KLHL42: variants seen among roughly 807,000 people sequenced by gnomAD.
KLHL42 encodes kelch like family member 42.
A neutral mutation model predicts 32.7 loss-of-function variants in KLHL42; 27 were observed. That is an observed-to-expected ratio of 0.83 (90% CI 0.61 to 1.14). The LOEUF is 1.14. Ranked by LOEUF, KLHL42 falls within the 50% of genes most tolerant of loss-of-function variation. The probability of loss-of-function intolerance (pLI) is 0.00; values close to 1 mark genes in which losing one functional copy is unlikely to be tolerated. For synonymous variants in KLHL42, 267 were observed against 248.2 expected, an observed-to-expected ratio of 1.08 and a Z score of -0.71; for missense variants, 491 against 560.8, an observed-to-expected ratio of 0.88 and a Z score of 1.26.
rs2062242796 is a variant in KLHL42, at chr12:27,800,652, G to C, written c.*2486G>C. 6.6e-6 allele frequency: 1 copy of C among 152,096 alleles called. No homozygotes were observed. The highest frequency in any genetic ancestry group is 6.6e-5 in the Admixed American group (1 of 15,210). 9.4% of individuals were successfully genotyped at this position (152,096 alleles called of 1,614,324 possible). A position where few individuals can be genotyped will look rare whatever the true frequency, so the allele number is the denominator to read the frequency against. ...TCTCCCTTCAGGCGGAGGTTGCAGT[G>C]AGCCGAGATTGTGCCATTGCACTCC... On this transcript the variant is annotated 3_prime_UTR_variant, in exon 3 of 3. Coordinates refer to ENST00000381271, the MANE Select transcript of KLHL42 (RefSeq NM_020782.2).
rs2062229492 is a variant in KLHL42, at chr12:27,798,401, A to G, written c.*235A>G. The G allele has an allele frequency of 4.2e-6, 2 of 476,266 alleles. No individual in the cohort carries two copies. The highest frequency in any genetic ancestry group is 3.7e-6 in the Non-Finnish European group (1 of 267,622). The allele number at this position is 476,266 out of a possible 1,614,324, so 29.5% of individuals were successfully genotyped here. On this transcript the variant is annotated 3_prime_UTR_variant, in exon 3 of 3. Transcript: ENST00000381271. ...ATTTTTAAATTATGGGAGCAAATCCATCTCCAAACATGATACTCTTGGGCC... is the reference window on the plus strand; with the variant it reads ...ATTTTTAAATTATGGGAGCAAATCCGTCTCCAAACATGATACTCTTGGGCC...
intron 2 of KLHL42, among the ~76,000 whole-genome samples, chr12:27,792,950 T>C (rs948233648): frequency 6.6e-6 from 1 of 152,210 alleles, no homozygotes; most frequent in African/African-American, 2.4e-5. Flanking sequence ...AAGGTCTCCC[T>C]GTGTTGCCTA....
Position 27,800,439 on chromosome 12 carries a change from C to G in KLHL42, c.*2273C>G. ...AAAGATTTTGGTTATTCTGGGCTGC[C>G]AGCAGTACGTGGGAAAGGTGGAATG... On this transcript the variant is annotated 3_prime_UTR_variant, in exon 3 of 3. Coordinates refer to ENST00000381271, the MANE Select transcript of KLHL42 (RefSeq NM_020782.2). 1 of 919,260 alleles carries G rather than the reference C, an allele frequency of 1.1e-6. No individual in the cohort carries two copies. The highest frequency in any genetic ancestry group is 5.0e-5 in the South Asian group (1 of 19,868). The allele number at this position is 919,260 out of a possible 1,614,324, so 56.9% of individuals were successfully genotyped here.
chr12:27,798,427 A>G lies in KLHL42; in HGVS notation c.*261A>G, dbSNP rs1421606463. On this transcript the variant is annotated 3_prime_UTR_variant, in exon 3 of 3. Coordinates refer to ENST00000381271, the MANE Select transcript of KLHL42 (RefSeq NM_020782.2). ...TCTCCAAACATGATACTCTTGGGCC[A>G]ATGACGGATCATCAAAATGTAGATT... 9.7e-6 allele frequency: 4 copies of G among 410,646 alleles called. No homozygotes were observed. Among genetic ancestry groups the G allele is most frequent in the Non-Finnish European group, 1.3e-5 (3 of 227,984 alleles). The allele number at this position is 410,646 out of a possible 1,614,324, so 25.4% of individuals were successfully genotyped here.
intron 1 of KLHL42, among the ~76,000 whole-genome samples, chr12:27,786,448 T>C (rs1433893990): frequency 6.6e-6 from 1 of 152,180 alleles, no homozygotes. Context: ...AAATGAAACC[T>C]AGCACAGAGT....
At chr12:27,782,728 T>C (rs2062154330) in intron 1 of KLHL42, among the ~76,000 whole-genome samples, 1 of 151,746 alleles carries the variant, frequency 6.6e-6, no homozygotes, top group African/African-American at 2.4e-5. Flanking sequence ...CTTGGTAGTC[T>C]TTGTCTTTTT....
At chr12:27,785,360 T>G (rs574343785) in intron 1 of KLHL42, among the ~76,000 whole-genome samples, 30 of 152,074 alleles carry the variant, frequency 2.0e-4, no homozygotes, top group Non-Finnish European at 3.8e-4. Flanking sequence ...ACACCATGCT[T>G]GGTTAATTTT....
chr12:27,785,337 C>A (rs561048575), intron 1 of KLHL42, among the ~76,000 whole-genome samples: 1 of 152,166 alleles, frequency 6.6e-6, no homozygotes, highest in African/African-American at 2.4e-5. Context: ...GTAGCTGGGA[C>A]TACAGGCATG....
At chr12:27,796,844 C>T (rs1400672715) in intron 2 of KLHL42, among the ~76,000 whole-genome samples, 1 of 151,980 alleles carries the variant, frequency 6.6e-6, no homozygotes, top group Non-Finnish European at 1.5e-5. Flanking sequence ...ACCATATTGC[C>T]CAGGCTGGTC....
chr12:27,792,941 A>G (rs2062203680), intron 2 of KLHL42, among the ~76,000 whole-genome samples: 1 of 152,156 alleles, frequency 6.6e-6, no homozygotes, highest in South Asian at 2.1e-4. Context: ...TGTGGAGACA[A>G]GGTCTCCCTG....
chr12:27,790,901 A>T (rs2062193429), intron 1 of KLHL42, among the ~76,000 whole-genome samples: 1 of 152,150 alleles, frequency 6.6e-6, no homozygotes, highest in Non-Finnish European at 1.5e-5. Flanking sequence ...TTTATAAAAA[A>T]TTAGCTGAGT....
intron 2 of KLHL42, among the ~76,000 whole-genome samples, chr12:27,792,298 C>G (rs1433346948): frequency 6.6e-6 from 1 of 152,116 alleles, no homozygotes; most frequent in Non-Finnish European, 1.5e-5. Flanking sequence ...CCCAAACATA[C>G]ACCAAACCTG....
rs773820049 is a variant in KLHL42, at chr12:27,781,044, C to T, written c.714C>T (p.Pro238=). The T allele has an allele frequency of 2.5e-6, 4 of 1,613,726 alleles. No individual in the cohort carries two copies. The highest frequency in any genetic ancestry group is 1.7e-5 in the Admixed American group (1 of 59,966). ...TCCCGCTGGCCAACAACCTTCCTCC[C>T]GACCTGGTCAATGTCAGGGGCTATG... The part of the protein sequence containing the change: ...RWFPLANNLP[P]DLVNVRGYGS... Residue 238 remains proline, a synonymous_variant, in exon 1 of 3, where the codon CCC becomes CCT. Transcript: ENST00000381271.
At chr12:27,791,683 G>A (rs1471336144) in intron 1 of KLHL42, 25 bp from the exon 2 acceptor site, 1 of 1,585,626 alleles carries the variant, frequency 6.3e-7, no homozygotes. Context: ...AACTAACTCT[G>A]TGGGCCTTTG....
chr12:27,798,123 T>G lies in KLHL42; in HGVS notation c.1475T>G (p.Leu492Trp). The G allele has an allele frequency of 1.3e-6, 1 of 780,882 alleles. No homozygotes were observed. Among genetic ancestry groups the G allele is most frequent in the East Asian group, 2.4e-5 (1 of 41,256 alleles). The allele number at this position is 780,882 out of a possible 1,614,324, so 48.4% of individuals were successfully genotyped here. The change falls in exon 3 of 3, where the codon TTG becomes TGG. Residue 492 changes from leucine to tryptophan, a missense_variant. Transcript: ENST00000381271. Reference protein sequence around the residue: ...FRRFPAFGHNLLVSSLYLPNK... With the variant: ...FRRFPAFGHNWLVSSLYLPNK... Reference sequence around the variant, plus strand: ...CGTTTTCCAGCTTTTGGACATAACTTGCTGGTTTCTTCTCTTTATCTGCCC... The same window carrying G: ...CGTTTTCCAGCTTTTGGACATAACTGGCTGGTTTCTTCTCTTTATCTGCCC...
chr12:27,781,260 A>G, intron 1 of KLHL42, 58 bp downstream of exon 1: 1 of 1,568,820 alleles, frequency 6.4e-7, no homozygotes, highest in Non-Finnish European at 8.7e-7. Context: ...TCATTAGTTC[A>G]TTACCCCAGT....
intron 1 of KLHL42, among the ~76,000 whole-genome samples, chr12:27,789,857 G>A (rs1181851379): frequency 6.6e-6 from 1 of 152,116 alleles, no homozygotes; most frequent in Non-Finnish European, 1.5e-5. Context: ...ACAAGACGAG[G>A]CTCTTGATGA....
chr12:27,791,587 C>A (rs1209730754), intron 1 of KLHL42, 121 bp from the exon 2 acceptor site: 10 of 832,804 alleles, frequency 1.2e-5, no homozygotes, highest in Non-Finnish European at 1.8e-5. Flanking sequence ...GGCGGAATGG[C>A]CCCCAACTGG....
Position 27,799,865 on chromosome 12 carries a change from A to G in KLHL42, c.*1699A>G, listed in dbSNP as rs1382746230. ...ATAATCTTACCTCTAGTCTACTTACAACTTTGTAAGGGTTTCTAAGCTATG... is the reference window on the plus strand; with the variant it reads ...ATAATCTTACCTCTAGTCTACTTACGACTTTGTAAGGGTTTCTAAGCTATG... On this transcript the variant is annotated 3_prime_UTR_variant, in exon 3 of 3. Coordinates refer to ENST00000381271, the MANE Select transcript of KLHL42 (RefSeq NM_020782.2). 11 of 479,364 alleles carry G rather than the reference A, an allele frequency of 2.3e-5. No individual in the cohort carries two copies. Among genetic ancestry groups the G allele is most frequent in the Non-Finnish European group, 3.0e-5 (11 of 367,422 alleles). 29.7% of individuals were successfully genotyped at this position (479,364 alleles called of 1,614,324 possible). A position where few individuals can be genotyped will look rare whatever the true frequency, so the allele number is the denominator to read the frequency against.
Sources: allele counts gnomAD v4.1 joint callset (sites outside exome capture counted in the v4.1 genomes callset), GRCh38; gene constraint gnomAD v4.1.1; transcripts MANE v1.5; gene names NCBI Gene and HGNC (gene_info 2026-07-23, HGNC 2026-07-21).